Variants in PBX1 observed in about 807,000 individuals in gnomAD.
The protein encoded by PBX1 is PBX homeobox 1.
PBX1 carries 6 observed loss-of-function variants against 53.4 expected under a neutral mutation model. The observed-to-expected ratio is 0.11, with a 90% confidence interval of 0.06 to 0.22. The LOEUF (loss-of-function observed/expected upper bound fraction) is 0.22, where lower values mean the gene tolerates loss of function less well. Among genes scored for constraint, PBX1 ranks in the 10% least tolerant of loss-of-function variants. The pLI, the probability that PBX1 is intolerant of heterozygous loss-of-function variation, is 1.00. For missense variants in PBX1, 251 were observed against 551.4 expected (o/e 0.46, Z 5.46); for synonymous variants, 204 against 212.3 (o/e 0.96, Z 0.34).
chr1:164,599,936 A>G lies in PBX1; in HGVS notation c.265+36625A>G, dbSNP rs546556659. ...CAAAAGTTGAAGCCAGTGTGTGTGC[A>G]ACTCAGACCTCATGAGCAATTCTTT... On this transcript the variant is annotated intron_variant, in intron 2 of 8. Coordinates refer to ENST00000420696, the MANE Select transcript of PBX1 (RefSeq NM_002585.4). 7.9e-5 allele frequency among the ~76,000 whole-genome samples: 12 copies of G among 152,214 alleles called. No homozygotes were observed. The South Asian group carries it at 2.3e-3, about 29-fold the overall frequency.
intron 2 of PBX1, among the ~76,000 whole-genome samples, chr1:164,697,015 C>G (rs1411240328): frequency 6.6e-6 from 1 of 152,074 alleles, no homozygotes; most frequent in Admixed American, 6.6e-5. Context: ...TTCATATGTC[C>G]GTCTTCTCAA....
chr1:164,826,798 T>A (rs1308080546), intron 8 of PBX1, among the ~76,000 whole-genome samples: 1 of 152,176 alleles, frequency 6.6e-6, no homozygotes, highest in Non-Finnish European at 1.5e-5. Context: ...ATTTTTCTTA[T>A]TCAAAAGGTT....
At chr1:164,625,226 T>A (rs1657958753) in intron 2 of PBX1, among the ~76,000 whole-genome samples, 1 of 151,980 alleles carries the variant, frequency 6.6e-6, no homozygotes, top group Non-Finnish European at 1.5e-5. Context: ...TTTAGAAACA[T>A]ATATTCAGTG....
At chr1:164,599,967 A>T (rs1020319604) in intron 2 of PBX1, among the ~76,000 whole-genome samples, 3 of 152,148 alleles carry the variant, frequency 2.0e-5, no homozygotes, top group Admixed American at 6.5e-5. Flanking sequence ...TCTTTTCCAA[A>T]CCAAATTTTA....
chr1:164,864,683 G>A (rs1234405330), intron 2 of PBX1, among the ~76,000 whole-genome samples: 3 of 152,142 alleles, frequency 2.0e-5, no homozygotes, highest in African/African-American at 7.2e-5. Flanking sequence ...ATTGCCGTGG[G>A]TCAGCCTGGC....
At chr1:164,674,860 C>CG (rs1661341475) in intron 2 of PBX1, 1 of 93,264 alleles carries the variant, frequency 1.1e-5, no homozygotes, top group Non-Finnish European at 2.5e-5. Flanking sequence ...CCCCCCCCCC[C>CG]CCACCCACCA....
chr1:164,678,382 C>G (rs1302558262), intron 2 of PBX1, among the ~76,000 whole-genome samples: 1 of 152,182 alleles, frequency 6.6e-6, no homozygotes, highest in African/African-American at 2.4e-5. Flanking sequence ...GTCTGTGTCT[C>G]TATAATTTAT....
chr1:164,631,822 GC>G (rs1183549281), intron 2 of PBX1, among the ~76,000 whole-genome samples: 2 of 152,196 alleles, frequency 1.3e-5, no homozygotes, highest in Non-Finnish European at 2.9e-5. Flanking sequence ...ACTGATTTGG[GC>G]CATATTCGAC....
chr1:164,722,951 GGA>G (rs1278851252), intron 2 of PBX1, among the ~76,000 whole-genome samples: 1 of 152,130 alleles, frequency 6.6e-6, no homozygotes, highest in Non-Finnish European at 1.5e-5. Context: ...AATTTCTGGG[GGA>G]GAGTCATCAG....
At chr1:164,804,158 T>C (rs1194207742) in intron 4 of PBX1, among the ~76,000 whole-genome samples, 1 of 152,188 alleles carries the variant, frequency 6.6e-6, no homozygotes. Flanking sequence ...GAAAAGACAA[T>C]GTAAAGAACA....
At position 164,559,630 on chromosome 1, in the gene PBX1, T is replaced by TCCC. The variant is rs1652870176; in HGVS notation, c.-191_-190insCCC. ...CCTTCACGCCCCCTCCCCCTCCCCCTCCTCATCCTCCCACCATCCTCTAAA... is the reference window on the plus strand; with the variant it reads ...CCTTCACGCCCCCTCCCCCTCCCCCTCCCCCTCATCCTCCCACCATCCTCTAAA... On this transcript the variant is annotated 5_prime_UTR_variant, in exon 1 of 9. Transcript: ENST00000420696. 3.6e-5 allele frequency: 4 copies of TCCC among 111,964 alleles called. No individual in the cohort carries two copies. Among genetic ancestry groups the TCCC allele is most frequent in the African/African-American group, 1.0e-4 (1 of 9,838 alleles). 6.9% of individuals were successfully genotyped at this position (111,964 alleles called of 1,614,324 possible).
downstream of PBX1, among the ~76,000 whole-genome samples, chr1:164,852,932 A>G (rs888963691): frequency 6.6e-6 from 1 of 152,188 alleles, no homozygotes; most frequent in Non-Finnish European, 1.5e-5. Flanking sequence ...TTTCAATTGC[A>G]TGGAAAATTA....
chr1:164,705,441 A>G (rs1190146365), intron 2 of PBX1, among the ~76,000 whole-genome samples: 1 of 152,232 alleles, frequency 6.6e-6, no homozygotes, highest in African/African-American at 2.4e-5. Context: ...AGAATGTAAC[A>G]TAGCTCAATC....
intron 2 of PBX1, among the ~76,000 whole-genome samples, chr1:164,599,447 C>T (rs1656012432): frequency 6.6e-6 from 1 of 151,234 alleles, no homozygotes; most frequent in African/African-American, 2.4e-5. Context: ...TTACAGTATT[C>T]CCATGTGAAC....
intron 2 of PBX1, among the ~76,000 whole-genome samples, chr1:164,644,349 C>T (rs894460634): frequency 2.0e-5 from 3 of 152,066 alleles, no homozygotes; most frequent in Admixed American, 6.6e-5. Flanking sequence ...AAAAGTAAAC[C>T]GCAAATGAAA....
At chr1:164,655,270 C>A (rs1388143053) in intron 2 of PBX1, among the ~76,000 whole-genome samples, 2 of 152,170 alleles carry the variant, frequency 1.3e-5, no homozygotes, top group East Asian at 3.9e-4. Flanking sequence ...TGCGCCACCA[C>A]GCCTGTCTAA....
At chr1:164,722,820 C>G (rs557340629) in intron 2 of PBX1, among the ~76,000 whole-genome samples, 1 of 152,330 alleles carries the variant, frequency 6.6e-6, no homozygotes, top group Non-Finnish European at 1.5e-5. Flanking sequence ...CTCAGGACTC[C>G]TTTTTGAAGA....
At chr1:164,598,418 C>A (rs1655915811) in intron 2 of PBX1, among the ~76,000 whole-genome samples, 1 of 152,108 alleles carries the variant, frequency 6.6e-6, no homozygotes, top group Non-Finnish European at 1.5e-5. Flanking sequence ...AGGGTTAAGT[C>A]ATTGTCTTCC....
chr1:164,871,154 C>T lies in PBX1; in HGVS notation n.258-28034C>T, dbSNP rs1235841014. Among the ~76,000 whole-genome samples the T allele has an allele frequency of 2.6e-5, 4 of 152,144 alleles. No homozygotes were observed. The East Asian group carries it at 7.7e-4, about 29-fold the overall frequency. Reference sequence around the variant, plus strand: ...CTTGTCAGATAACATCTTGTTTAGTCTAAAACTAGAAAAATGTACTCATAG... The same window carrying T: ...CTTGTCAGATAACATCTTGTTTAGTTTAAAACTAGAAAAATGTACTCATAG... On this transcript the variant is annotated intron_variant and non_coding_transcript_variant, in intron 2 of 2. Transcript: ENST00000558796.
Sources: gnomAD v4.1 joint callset for allele counts (sites outside exome capture counted in the v4.1 genomes callset) on GRCh38, gnomAD v4.1.1 for gene constraint, MANE v1.5 for transcripts, NCBI Gene and HGNC (gene_info 2026-07-23, HGNC 2026-07-21) for gene names.